ASIC4: variants seen among roughly 807,000 people sequenced by gnomAD.
The protein encoded by ASIC4 is acid-sensing ion channel 4.
In ASIC4, 28 loss-of-function variants were observed where a neutral mutation model predicts 53.4. The ratio of observed to expected loss-of-function variants is 0.52; its 90% confidence interval spans 0.39 to 0.72. ASIC4 has a LOEUF of 0.72. Among genes scored for constraint, ASIC4 ranks in the 30% least tolerant of loss-of-function variants. ASIC4 has a pLI of 0.00. For missense variants in ASIC4, 649 were observed against 729.7 expected, an observed-to-expected ratio of 0.89 and a Z score of 1.27; for synonymous variants, 289 against 301.4, an observed-to-expected ratio of 0.96 and a Z score of 0.43.
chr2:219,530,108 C>G (rs746661156), intron 1 of ASIC4, among the ~76,000 whole-genome samples: 33 of 152,138 alleles, frequency 2.2e-4, no homozygotes, highest in Non-Finnish European at 3.8e-4. Context: ...GAAATGTTCC[C>G]AAGGAGAGGG....
intron 1 of ASIC4, among the ~76,000 whole-genome samples, chr2:219,528,898 C>A (rs758640428): frequency 2.0e-5 from 3 of 152,156 alleles, no homozygotes; most frequent in Non-Finnish European, 2.9e-5. Context: ...CAGTGACTTG[C>A]GATAAGAGCA....
chr2:219,509,440 C>T (rs1460626557), upstream of ASIC4, among the ~76,000 whole-genome samples: 2 of 152,166 alleles, frequency 1.3e-5, no homozygotes, highest in Middle Eastern at 3.2e-3. The surrounding 1 kb of genome is among the most constrained non-coding windows in gnomAD (Gnocchi z 5.2). Context: ...CACCCACTGA[C>T]ACACGCTCCC....
chr2:219,511,670 G>A (rs1438866072), upstream of ASIC4, among the ~76,000 whole-genome samples: 1 of 152,074 alleles, frequency 6.6e-6, no homozygotes, highest in Admixed American at 6.5e-5. The surrounding 1 kb of genome is among the most constrained non-coding windows in gnomAD (Gnocchi z 5.3). Flanking sequence ...AGCCACACTT[G>A]TCCCTGATGC....
rs561298315 is a variant in ASIC4 at position 219,537,348 on chromosome 2, G to T, written c.1401+27G>T. 24 of 1,604,264 alleles carry T rather than the reference G, an allele frequency of 1.5e-5. No homozygotes were observed. The East Asian group carries it at 4.9e-4, about 33-fold the overall frequency. On this transcript the variant is annotated intron_variant, in intron 8 of 9. Coordinates refer to ENST00000358078, the MANE Select transcript of ASIC4 (RefSeq NM_018674.6). The surrounding 1 kb of genome is among the most constrained non-coding windows in gnomAD (Gnocchi z 4.9). ...CAAGGGCCCTGGAGAAGGCAGGGTG[G>T]GAGTGGGGGCCGTGGGCAAAGCAGA...
chr2:219,535,126 CA>C (rs1559120177), intron 5 of ASIC4, 44 bp from the exon 6 acceptor site: 1 of 1,580,984 alleles, frequency 6.3e-7, no homozygotes, highest in South Asian at 1.2e-5. Flanking sequence ...GCCACTGGAC[CA>C]CCCTTCTCCA....
upstream of ASIC4, among the ~76,000 whole-genome samples, chr2:219,511,388 C>A (rs186172264): frequency 0.012 from 1,849 of 149,420 alleles, 33 homozygotes; most frequent in African/African-American, 0.043. This position sits in a 1 kb window ranked among gnomAD's most constrained non-coding sequence, Gnocchi z 5.3. Flanking sequence ...CGACTGCATG[C>A]ACTGCCCCCC....
upstream of ASIC4, among the ~76,000 whole-genome samples, chr2:219,510,588 C>T (rs908909664): frequency 5.9e-5 from 9 of 152,194 alleles, no homozygotes; most frequent in African/African-American, 9.7e-5. This position sits in a 1 kb window ranked among gnomAD's most constrained non-coding sequence, Gnocchi z 5.2. Flanking sequence ...GTGTCTTCCC[C>T]ACTTCCTCCT....
At chr2:219,535,022 C>T in intron 5 of ASIC4, 149 bp from the exon 6 acceptor site, 1 of 1,214,510 alleles carries the variant, frequency 8.2e-7, no homozygotes, top group Non-Finnish European at 1.1e-6. Context: ...CAGCCAGTCC[C>T]CTCTAGGAAG....
rs1559452336 is a variant in ASIC4, at chr2:219,514,498, GGCAGCAGAGGCAGCA to G, written c.-224_-210del. The G allele has an allele frequency of 1.9e-6, 3 of 1,549,120 alleles. No individual in the cohort carries two copies. Among genetic ancestry groups the G allele is most frequent in the Non-Finnish European group, 2.6e-6 (3 of 1,145,752 alleles). On this transcript the variant is annotated 5_prime_UTR_variant, in exon 1 of 10. Transcript: ENST00000358078. ...GAGACGATCGAGGAGAGAGACAAGC[GGCAGCAGAGGCAGCA>G]GCGGCAGAGGCAGCACCAGGGCTGC...
rs546484806 is a variant in ASIC4 at position 219,532,262 on chromosome 2, G to A, written c.856-53G>A. On this transcript the variant is annotated intron_variant, in intron 3 of 9. Transcript: ENST00000358078. ...TGACTTTGCTGGGGCTGTGGGCACT[G>A]GAGGACTGGGTGGGATTCCTGAGCA... 3.8e-6 allele frequency: 6 copies of A among 1,598,450 alleles called. No homozygotes were observed. The South Asian group carries it at 4.4e-5, about 12-fold the overall frequency.
At position 219,536,021 on chromosome 2, in the gene ASIC4, C is replaced by T. The variant is rs961709783; in HGVS notation, c.1229+697C>T. On this transcript the variant is annotated intron_variant, in intron 6 of 9. Transcript: ENST00000358078. The surrounding 1 kb of genome is among the most constrained non-coding windows in gnomAD (Gnocchi z 4.6). Reference sequence around the variant, plus strand: ...CTCCTGACCTCAAGTGATCTGCCGTCCTTGGTCTCCCAAAGTGCTGGGATT... The same window carrying T: ...CTCCTGACCTCAAGTGATCTGCCGTTCTTGGTCTCCCAAAGTGCTGGGATT... Among the ~76,000 whole-genome samples, 17 of 152,148 alleles carry T rather than the reference C, an allele frequency of 1.1e-4. No homozygotes were observed. Among genetic ancestry groups the T allele is most frequent in the Non-Finnish European group, 2.4e-4 (16 of 68,026 alleles).
rs138074978 is a variant in ASIC4 at position 219,536,772 on chromosome 2, G to A, written c.1230-294G>A. ...AACAGGGGTCACTGAAGGGTCCGCA[G>A]AGGCGTAAGGAGGAGGCAAAGGCAA... On this transcript the variant is annotated intron_variant, in intron 6 of 9. Coordinates refer to ENST00000358078, the MANE Select transcript of ASIC4 (RefSeq NM_018674.6). This position sits in a 1 kb window ranked among gnomAD's most constrained non-coding sequence, Gnocchi z 4.6. Among the ~76,000 whole-genome samples, 436 of 152,228 alleles carry A rather than the reference G, an allele frequency of 2.9e-3. 1 individual carries two copies. Among genetic ancestry groups the A allele is most frequent in the African/African-American group, 9.8e-3 (408 of 41,538 alleles).
chr2:219,508,214 A>G, the ASIC4 span, among the ~76,000 whole-genome samples: 1 of 152,180 alleles, frequency 6.6e-6, no homozygotes, highest in Non-Finnish European at 1.5e-5. Flanking sequence ...AGGGTGGGCC[A>G]TAGGACCAGG....
chr2:219,536,600 C>T lies in ASIC4; in HGVS notation c.1230-466C>T, dbSNP rs3821042. On this transcript the variant is annotated intron_variant, in intron 6 of 9. Coordinates refer to ENST00000358078, the MANE Select transcript of ASIC4 (RefSeq NM_018674.6). The surrounding 1 kb of genome is among the most constrained non-coding windows in gnomAD (Gnocchi z 4.6). ...AGGCGTCCAGTGACAGGACGTGGGG[C>T]GGTGGGGTGGTGTGGCGGGGAGCCT... 2.8e-5 allele frequency among the ~76,000 whole-genome samples: 4 copies of T among 142,128 alleles called. No homozygotes were observed. The highest frequency in any genetic ancestry group is 2.3e-4 in the East Asian group (1 of 4,354). 93.2% of individuals were successfully genotyped at this position (142,128 alleles called of 152,430 possible). A position where few individuals can be genotyped will look rare whatever the true frequency, so the allele number is the denominator to read the frequency against.
chr2:219,514,494 A>AAGCGGCAGC lies in ASIC4; in HGVS notation c.-228_-220dup. ...CAAGGAGACGATCGAGGAGAGAGACAAGCGGCAGCAGAGGCAGCAGCGGCA... is the reference window on the plus strand; with the variant it reads ...CAAGGAGACGATCGAGGAGAGAGACAAGCGGCAGCAGCGGCAGCAGAGGCAGCAGCGGCA... On this transcript the variant is annotated 5_prime_UTR_variant, in exon 1 of 10. Coordinates refer to ENST00000358078, the MANE Select transcript of ASIC4 (RefSeq NM_018674.6). 6.4e-7 allele frequency: 1 copy of AAGCGGCAGC among 1,550,764 alleles called. No homozygotes were observed.
intron 2 of ASIC4, 24 bp downstream of exon 2, chr2:219,531,926 G>A: frequency 3.1e-6 from 5 of 1,611,526 alleles, no homozygotes; most frequent in Non-Finnish European, 4.2e-6. Context: ...AAAGGGACAA[G>A]GGCCACCTTG....
At chr2:219,508,399 C>T in the ASIC4 span, among the ~76,000 whole-genome samples, 1 of 152,178 alleles carries the variant, frequency 6.6e-6, no homozygotes, top group Admixed American at 6.5e-5. Flanking sequence ...CCCTCCTAGA[C>T]CCAGTGGGGG....
In ASIC4 at chr2:219,538,070, C is replaced by T. The variant is rs759610118; in HGVS notation, c.*24C>T. ...AGGACGGTGCTGTGACTGAAAGGACCCAGGAGTCTGGGACCCCTCCTGGGA... is the reference window on the plus strand; with the variant it reads ...AGGACGGTGCTGTGACTGAAAGGACTCAGGAGTCTGGGACCCCTCCTGGGA... On this transcript the variant is annotated 3_prime_UTR_variant, in exon 10 of 10. Coordinates refer to ENST00000358078, the MANE Select transcript of ASIC4 (RefSeq NM_018674.6). The T allele has an allele frequency of 6.3e-7, 1 of 1,584,896 alleles. No homozygotes were observed. The highest frequency in any genetic ancestry group is 8.6e-7 in the Non-Finnish European group (1 of 1,158,046).
In ASIC4 at chr2:219,537,452, C is replaced by G; in HGVS notation, c.1401+131C>G. 1.7e-6 allele frequency: 2 copies of G among 1,209,452 alleles called. No homozygotes were observed. Among genetic ancestry groups the G allele is most frequent in the South Asian group, 1.4e-5 (1 of 72,298 alleles). 74.9% of individuals were successfully genotyped at this position (1,209,452 alleles called of 1,614,324 possible). A position where few individuals can be genotyped will look rare whatever the true frequency, so the allele number is the denominator to read the frequency against. On this transcript the variant is annotated intron_variant, in intron 8 of 9. Transcript: ENST00000358078. This position sits in a 1 kb window ranked among gnomAD's most constrained non-coding sequence, Gnocchi z 4.9. The stretch of plus-strand genomic sequence containing the variant: ...AGGGTTCTCTGCCAGGGTCCCCTGA[C>G]TGGCTGGCAGGCCTGAGGGCTCAGA...
Sources: allele counts gnomAD v4.1 joint callset (sites outside exome capture counted in the v4.1 genomes callset), GRCh38; gene constraint gnomAD v4.1.1; non-coding constraint Gnocchi (gnomAD v3.1); transcripts MANE v1.5; gene names NCBI Gene and HGNC (gene_info 2026-07-23, HGNC 2026-07-21).